The following GRIK4 variants were observed in gnomAD, a reference collection of about 807,000 sequenced individuals.
GRIK4 encodes glutamate ionotropic receptor kainate type subunit 4.
GRIK4 carries 40 observed loss-of-function variants against 104.9 expected under a neutral mutation model. That is an observed-to-expected ratio of 0.38 (90% CI 0.30 to 0.50). The LOEUF (loss-of-function observed/expected upper bound fraction) is 0.50. GRIK4 is among the 20% of genes least tolerant of loss of function. The probability of loss-of-function intolerance (pLI) is 0.93; values close to 1 mark genes in which losing one functional copy is unlikely to be tolerated. For missense variants in GRIK4, 1,047 were observed against 1,308.1 expected (o/e 0.80, Z 3.08); for synonymous variants, 485 against 524.9 (o/e 0.92, Z 1.04).
At chr11:120,660,427 G>A (rs1211290664) in intron 3 of GRIK4, 27 bp downstream of exon 3, 2 of 1,547,526 alleles carry the variant, frequency 1.3e-6, no homozygotes, top group African/African-American at 1.4e-5. Flanking sequence ...TTGGGGCAGT[G>A]CCCCCACCCA....
At chr11:120,767,364 T>G (rs1465591459) in intron 3 of GRIK4, among the ~76,000 whole-genome samples, 1 of 152,254 alleles carries the variant, frequency 6.6e-6, no homozygotes, top group African/African-American at 2.4e-5. Context: ...AACCATCTGT[T>G]TGGTCCTTTG....
At chr11:120,638,994 C>G (rs1260380772) in intron 1 of GRIK4, among the ~76,000 whole-genome samples, 1 of 151,628 alleles carries the variant, frequency 6.6e-6, no homozygotes, top group African/African-American at 2.4e-5. Flanking sequence ...GTCAGGAGTT[C>G]GAAACCAGCC....
intron 1 of GRIK4, among the ~76,000 whole-genome samples, chr11:120,648,714 G>A (rs1949575479): frequency 6.6e-6 from 1 of 152,176 alleles, no homozygotes; most frequent in Non-Finnish European, 1.5e-5. Flanking sequence ...GCGGGCTAAG[G>A]GGGTTAAGGA....
chr11:120,619,973 A>T (rs1949165067), intron 1 of GRIK4: 1 of 463,684 alleles, frequency 2.2e-6, no homozygotes. Flanking sequence ...GTTCTAGTGC[A>T]GTTTCAGTGT....
At chr11:120,801,735 G>A (rs777200864) in intron 3 of GRIK4, among the ~76,000 whole-genome samples, 3 of 152,048 alleles carry the variant, frequency 2.0e-5, no homozygotes, top group Non-Finnish European at 4.4e-5. Context: ...CTTCATTTTT[G>A]TAACATCTCC....
intron 1 of GRIK4, among the ~76,000 whole-genome samples, chr11:120,587,236 G>A (rs574803005): frequency 1.4e-4 from 22 of 152,226 alleles, no homozygotes; most frequent in African/African-American, 4.8e-4. Context: ...ATGAAAAGAA[G>A]CCCTAATATA....
chr11:120,687,011 A>C (rs1364060221), intron 3 of GRIK4, among the ~76,000 whole-genome samples: 2 of 152,242 alleles, frequency 1.3e-5, no homozygotes, highest in African/African-American at 4.8e-5. Context: ...ATTGACATAA[A>C]ATACTTCTGG....
At chr11:120,775,175 C>T (rs1952017216) in intron 3 of GRIK4, among the ~76,000 whole-genome samples, 1 of 152,186 alleles carries the variant, frequency 6.6e-6, no homozygotes, top group African/African-American at 2.4e-5. Context: ...CACCCTGGGC[C>T]TCTGTATTTC....
At chr11:120,779,202 C>G (rs1404687900) in intron 3 of GRIK4, among the ~76,000 whole-genome samples, 1 of 152,166 alleles carries the variant, frequency 6.6e-6, no homozygotes, top group Non-Finnish European at 1.5e-5. Flanking sequence ...ACCGACCAAC[C>G]ATTCTTGGAG....
chr11:120,880,924 A>G (rs1954953257), intron 11 of GRIK4, among the ~76,000 whole-genome samples: 1 of 152,170 alleles, frequency 6.6e-6, no homozygotes, highest in Non-Finnish European at 1.5e-5. Context: ...AAGATTCATG[A>G]ATCATGGTTC....
At chr11:120,817,312 C>T (rs532266043) in intron 5 of GRIK4, among the ~76,000 whole-genome samples, 8 of 152,250 alleles carry the variant, frequency 5.3e-5, no homozygotes, top group Non-Finnish European at 8.8e-5. Context: ...CTGCAGCCAA[C>T]TCCTCTGCCC....
intron 3 of GRIK4, among the ~76,000 whole-genome samples, chr11:120,760,386 T>G (rs542391747): frequency 1.4e-5 from 2 of 147,462 alleles, no homozygotes; most frequent in Non-Finnish European, 3.0e-5. Flanking sequence ...TATAAACATA[T>G]ATATACATAT....
chr11:120,514,407 C>T (rs1488654825), intron 1 of GRIK4, among the ~76,000 whole-genome samples: 2 of 152,214 alleles, frequency 1.3e-5, no homozygotes, highest in African/African-American at 4.8e-5. Context: ...GGCTGGATGC[C>T]TCATCCAAGG....
intron 11 of GRIK4, among the ~76,000 whole-genome samples, chr11:120,879,203 A>C (rs1190541695): frequency 6.6e-6 from 1 of 152,190 alleles, no homozygotes; most frequent in Non-Finnish European, 1.5e-5. Context: ...ACTCCTGGCT[A>C]TTCCTCACTT....
chr11:120,712,886 T>C lies in GRIK4; in HGVS notation c.82+52486T>C, dbSNP rs149633079. On this transcript the variant is annotated intron_variant, in intron 3 of 20. Transcript: ENST00000527524. ...TTCCTGCCCCCTCAGTCCCTTCTTA[T>C]GTGATTTGATTTTTACCCGTGTCAC... 7.2e-3 allele frequency among the ~76,000 whole-genome samples: 1,092 copies of C among 152,328 alleles called. 8 individuals are homozygous for C. Among genetic ancestry groups the C allele is most frequent in the South Asian group, 0.012 (58 of 4,826 alleles).
intron 16 of GRIK4, among the ~76,000 whole-genome samples, chr11:120,959,582 T>A: frequency 6.6e-6 from 1 of 152,262 alleles, no homozygotes; most frequent in Non-Finnish European, 1.5e-5. Context: ...CCCTTGGGAT[T>A]GGGATGTAGA....
chr11:120,910,591 T>TGGA (rs1476459108), intron 13 of GRIK4, among the ~76,000 whole-genome samples: 2 of 152,212 alleles, frequency 1.3e-5, no homozygotes, highest in Non-Finnish European at 2.9e-5. Context: ...GGAGACAGAC[T>TGGA]GGAGTAGCTT....
In GRIK4 at chr11:120,573,929, G is replaced by A. The variant is rs1274478684; in HGVS notation, c.-159+62042G>A. Among the ~76,000 whole-genome samples, 4 of 152,298 alleles carry A rather than the reference G, an allele frequency of 2.6e-5. 1 individual carries two copies. Among genetic ancestry groups the A allele is most frequent in the South Asian group, 4.1e-4 (2 of 4,824 alleles). On this transcript the variant is annotated intron_variant, in intron 1 of 20. Coordinates refer to ENST00000527524, the MANE Select transcript of GRIK4 (RefSeq NM_014619.5). The stretch of plus-strand genomic sequence containing the variant: ...CAGCAAGGCTGATGGCAGGGCCTTC[G>A]GGCTCCTGCTGATTCATCTTGCTGA...
At position 120,728,661 on chromosome 11, in the gene GRIK4, A is replaced by G. The variant is rs1951073874; in HGVS notation, c.82+68261A>G. Among the ~76,000 whole-genome samples the G allele has an allele frequency of 2.0e-5, 3 of 152,216 alleles. No individual in the cohort carries two copies. In the South Asian group the frequency reaches 6.2e-4, roughly 32 times the overall value. On this transcript the variant is annotated intron_variant, in intron 3 of 20. Transcript: ENST00000527524. ...TAGTAGGTGTATATATTTATGAGGTACATGAGATACTTTGATACAGGCATA... is the reference window on the plus strand; with the variant it reads ...TAGTAGGTGTATATATTTATGAGGTGCATGAGATACTTTGATACAGGCATA...
Sources: gnomAD v4.1 joint callset for allele counts (sites outside exome capture counted in the v4.1 genomes callset) on GRCh38, gnomAD v4.1.1 for gene constraint, MANE v1.5 for transcripts, NCBI Gene and HGNC (gene_info 2026-07-23, HGNC 2026-07-21) for gene names.